LGALS4: variants seen among roughly 807,000 people sequenced by gnomAD.
LGALS4 encodes galectin 4.
A neutral mutation model predicts 39.6 loss-of-function variants in LGALS4; 37 were observed. The observed-to-expected ratio is 0.93, with a 90% CI of 0.72 to 1.23. The LOEUF (loss-of-function observed/expected upper bound fraction) is 1.23. Ranked by LOEUF, LGALS4 falls within the 50% of genes most tolerant of loss-of-function variation. The pLI is 0.00. For synonymous variants in LGALS4, 160 were observed against 165.5 expected (o/e 0.97, Z 0.25); for missense variants, 397 against 433.2 (o/e 0.92, Z 0.74).
intron 4 of LGALS4, 113 bp from the exon 5 acceptor site, chr19:38,804,008 A>T: frequency 3.3e-6 from 4 of 1,200,456 alleles, no homozygotes; most frequent in Non-Finnish European, 4.8e-6. Flanking sequence ...TATGCCAGAG[A>T]ACTCTGGCAT....
Position 38,803,800 on chromosome 19 carries a change from C to T in LGALS4, c.502-20G>A. ...GGGACCCTGAACGATGGACAGAAGG[C>T]AGGAAGGGTGAGAGGGGCTGAGGGA... is the stretch of plus-strand genomic sequence containing the variant. On this transcript the variant is annotated intron_variant, in intron 5 of 9. Coordinates refer to ENST00000307751, the MANE Select transcript of LGALS4 (RefSeq NM_006149.4). 5 of 1,613,688 alleles carry T rather than the reference C, an allele frequency of 3.1e-6. No individual in the cohort carries two copies. Among genetic ancestry groups the T allele is most frequent in the Non-Finnish European group, 4.2e-6 (5 of 1,179,838 alleles).
At chr19:38,807,372 G>T (rs1323064010) in intron 3 of LGALS4, among the ~76,000 whole-genome samples, 1 of 151,974 alleles carries the variant, frequency 6.6e-6, no homozygotes, top group Non-Finnish European at 1.5e-5. Context: ...GTCTCAAGAG[G>T]AAAACAAAAA....
rs997474965 is a variant in LGALS4, at chr19:38,802,020, T to C, written c.797A>G (p.Asn266Ser). ...WGSEEKKITH[N>S]PFGPGQFFDL... ...AAAGAACTGTCCGGGACCAAATGGG[T>C]TGTGGGTGATCTTCTTCTCCTCGGA... Residue 266 changes from asparagine to serine, a missense_variant, in exon 9 of 10, where the codon AAC (asparagine) becomes AGC (serine). Asn to Ser is a conservative substitution (Grantham distance 46). Coordinates refer to ENST00000307751, the MANE Select transcript of LGALS4 (RefSeq NM_006149.4). 1.2e-6 allele frequency: 2 copies of C among 1,614,074 alleles called. No individual in the cohort carries two copies. Among genetic ancestry groups the C allele is most frequent in the East Asian group, 2.2e-5 (1 of 44,878 alleles).
At chr19:38,809,002 G>C in intron 2 of LGALS4, 54 bp from the exon 3 acceptor site, 1 of 1,471,356 alleles carries the variant, frequency 6.8e-7, no homozygotes, top group South Asian at 1.3e-5. Flanking sequence ...GGGCCTGGGG[G>C]CCTCCTCCAG....
intron 3 of LGALS4, 108 bp downstream of exon 3, chr19:38,808,636 A>G (rs531245373): frequency 2.1e-5 from 19 of 907,670 alleles, no homozygotes; most frequent in East Asian, 7.8e-5. Flanking sequence ...AAAAAAAAAA[A>G]AAAAAAAGAA....
chr19:38,812,757 C>A (rs771666304), intron 1 of LGALS4, 85 bp downstream of exon 1: 450 of 1,452,356 alleles, frequency 3.1e-4, no homozygotes, highest in Non-Finnish European at 4.0e-4. Context: ...TCAGATGGGG[C>A]CCCCCAGGAT....
chr19:38,805,487 G>A (rs779962859), intron 4 of LGALS4, among the ~76,000 whole-genome samples: 5 of 151,984 alleles, frequency 3.3e-5, no homozygotes, highest in Non-Finnish European at 7.4e-5. Flanking sequence ...TTTCTGGGCT[G>A]TCACTCTCTG....
At chr19:38,809,676 G>C (rs868696881) in intron 2 of LGALS4, among the ~76,000 whole-genome samples, 1 of 97,222 alleles carries the variant, frequency 1.0e-5, no homozygotes, top group Admixed American at 1.5e-4. Context: ...TTTTTGTAGA[G>C]ATGGGGTCTC....
At chr19:38,802,194 C>T in intron 8 of LGALS4, 37 bp from the exon 9 acceptor site, 9 of 1,609,772 alleles carry the variant, frequency 5.6e-6, no homozygotes, top group Non-Finnish European at 7.6e-6. Flanking sequence ...CAGATGGAGT[C>T]CAGTGGGAAG....
intron 7 of LGALS4, 21 bp from the exon 8 acceptor site, chr19:38,802,425 G>A: frequency 1.9e-6 from 3 of 1,578,670 alleles, no homozygotes; most frequent in Non-Finnish European, 2.6e-6. Context: ...AGAACGGGGG[G>A]TCCCATTCTC....
intron 2 of LGALS4, among the ~76,000 whole-genome samples, chr19:38,810,822 C>A (rs1971484537): frequency 6.6e-6 from 1 of 151,818 alleles, no homozygotes; most frequent in African/African-American, 2.4e-5. Context: ...CCTCTGTCCG[C>A]ACATACACTC....
intron 4 of LGALS4, among the ~76,000 whole-genome samples, chr19:38,805,754 G>C (rs1971415003): frequency 6.6e-6 from 1 of 152,170 alleles, no homozygotes; most frequent in African/African-American, 2.4e-5. Flanking sequence ...TAACTCAGCA[G>C]AGGGAGATGC....
Position 38,806,454 on chromosome 19 carries a change from C to G in LGALS4, c.474+7G>C. 1 of 1,614,060 alleles carries G rather than the reference C, an allele frequency of 6.2e-7. No homozygotes were observed. Among genetic ancestry groups the G allele is most frequent in the South Asian group, 1.1e-5 (1 of 91,068 alleles). ...AAGGACGCAAGAAGGGATGGGACCCCTCACACCTGGGGCCGGAGGGGCTGG... is the reference window on the plus strand; with the variant it reads ...AAGGACGCAAGAAGGGATGGGACCCGTCACACCTGGGGCCGGAGGGGCTGG... On this transcript the variant is annotated splice_region_variant and intron_variant, in intron 4 of 9. Coordinates refer to ENST00000307751, the MANE Select transcript of LGALS4 (RefSeq NM_006149.4).
intron 7 of LGALS4, chr19:38,803,136 T>C: frequency 4.8e-6 from 1 of 206,252 alleles, no homozygotes; most frequent in Non-Finnish European, 9.9e-6. Flanking sequence ...TGCCTCAGCT[T>C]CCTGAGTAGC....
At chr19:38,809,329 AC>A (rs1971465414) in intron 2 of LGALS4, among the ~76,000 whole-genome samples, 1 of 148,732 alleles carries the variant, frequency 6.7e-6, no homozygotes, top group Non-Finnish European at 1.5e-5. Flanking sequence ...ACAGGCGTGC[AC>A]CACCACGTCC....
intron 2 of LGALS4, among the ~76,000 whole-genome samples, chr19:38,811,175 A>T (rs1971489288): frequency 6.6e-6 from 1 of 152,106 alleles, no homozygotes; most frequent in Admixed American, 6.6e-5. Context: ...TGCTGGGATT[A>T]CAGGCCTGAG....
At chr19:38,809,201 T>C (rs926656087) in intron 2 of LGALS4, among the ~76,000 whole-genome samples, 2 of 133,946 alleles carry the variant, frequency 1.5e-5, no homozygotes, top group African/African-American at 5.7e-5. Context: ...TTTTTTGAGA[T>C]GGAGTCTTGC....
intron 4 of LGALS4, among the ~76,000 whole-genome samples, chr19:38,805,343 TC>T (rs1971410559): frequency 6.6e-6 from 1 of 152,002 alleles, no homozygotes; most frequent in Non-Finnish European, 1.5e-5. Context: ...ACACACTTCC[TC>T]CTACTCCAGG....
At position 38,802,088 on chromosome 19, in the gene LGALS4, G is replaced by T; in HGVS notation, c.729C>A (p.Asn243Lys). The T allele has an allele frequency of 6.2e-7, 1 of 1,614,216 alleles. No homozygotes were observed. The highest frequency in any genetic ancestry group is 8.5e-7 in the Non-Finnish European group (1 of 1,180,038). ...GAAGGCTGTTCCGGACCACGGTACC[G>T]TTGCCCATGCGGGGATTAATGTGCA... Reference protein sequence around the residue: ...IALHINPRMGNGTVVRNSLLN... With the variant: ...IALHINPRMGKGTVVRNSLLN... Residue 243 changes from asparagine to lysine, a missense_variant, in exon 9 of 10, where the codon AAC becomes AAA. Physicochemically the swap from Asn to Lys is moderately conservative, Grantham distance 94. Transcript: ENST00000307751.
Sources: allele counts gnomAD v4.1 joint callset (sites outside exome capture counted in the v4.1 genomes callset), GRCh38; gene constraint gnomAD v4.1.1; transcripts MANE v1.5; gene names NCBI Gene and HGNC (gene_info 2026-07-23, HGNC 2026-07-21).